Variants in AGAP1 observed in about 807,000 individuals in gnomAD.
AGAP1 encodes arf-GAP with GTPase, ANK repeat and PH domain-containing protein 1.
Under a neutral mutation model 105.3 loss-of-function variants are expected in AGAP1, and 29 were observed. That is an observed-to-expected ratio of 0.28 (90% CI 0.21 to 0.38). The LOEUF is 0.38. AGAP1 is among the 10% of genes least tolerant of loss of function. The pLI, the probability that AGAP1 is intolerant of heterozygous loss-of-function variation, is 1.00. For missense variants in AGAP1, 998 were observed against 1,165.1 expected, an observed-to-expected ratio of 0.86 and a Z score of 2.09; for synonymous variants, 509 against 485.9, an observed-to-expected ratio of 1.05 and a Z score of -0.63.
At chr2:235,637,450 ATT>A (rs11293469) in intron 1 of AGAP1, among the ~76,000 whole-genome samples, 3 of 143,902 alleles carry the variant, frequency 2.1e-5, no homozygotes, top group African/African-American at 7.6e-5. Flanking sequence ...TTGTATTATT[ATT>A]TTTTTTTTTT....
rs1574779794 is a variant in AGAP1 at position 235,531,353 on chromosome 2, G to T, written c.163+36504G>T. Among the ~76,000 whole-genome samples, 2 of 152,232 alleles carry T rather than the reference G, an allele frequency of 1.3e-5. 1 individual carries two copies. The highest frequency in any genetic ancestry group is 6.8e-3 in the Middle Eastern group (2 of 294). On this transcript the variant is annotated intron_variant, in intron 1 of 17. Coordinates refer to ENST00000304032, the MANE Select transcript of AGAP1 (RefSeq NM_001037131.3). ...GGCTTTTCTAGCTGGGCAGACTCTGGTTCCTGTATTCTCCCCCTCAACTGT... is the reference window on the plus strand; with the variant it reads ...GGCTTTTCTAGCTGGGCAGACTCTGTTTCCTGTATTCTCCCCCTCAACTGT...
rs764044569 is a variant in AGAP1, at chr2:236,045,982, A to G, written c.1892-3077A>G. 8.5e-6 allele frequency: 4 copies of G among 471,710 alleles called. No individual in the cohort carries two copies. Among genetic ancestry groups the G allele is most frequent in the South Asian group, 4.6e-5 (3 of 64,560 alleles). 29.2% of individuals were successfully genotyped at this position (471,710 alleles called of 1,614,324 possible). ...GCACAGGAATGTGTCCCACGCATGA[A>G]TGTCGTCCTTCAGATCTGGACCTGA... On this transcript the variant is annotated intron_variant, in intron 15 of 17. Coordinates refer to ENST00000304032, the MANE Select transcript of AGAP1 (RefSeq NM_001037131.3). This position sits in a 1 kb window ranked among gnomAD's most constrained non-coding sequence, Gnocchi z 6.9.
chr2:235,933,495 A>G (rs554047228), intron 12 of AGAP1, among the ~76,000 whole-genome samples: 3 of 151,538 alleles, frequency 2.0e-5, no homozygotes, highest in Non-Finnish European at 4.4e-5. Flanking sequence ...TGATTCCTAC[A>G]GCTTTATGGG....
rs1373931991 is a variant in AGAP1, at chr2:235,553,761, C to T, written c.163+58912C>T. ...GTGCAGGAGAGGAGCGTTCAGGGCA[C>T]CTCTGAGCACATGTGACATTCGTAA... On this transcript the variant is annotated intron_variant, in intron 1 of 17. Coordinates refer to ENST00000304032, the MANE Select transcript of AGAP1 (RefSeq NM_001037131.3). The surrounding 1 kb of genome is among the most constrained non-coding windows in gnomAD (Gnocchi z 4.5). 1.3e-5 allele frequency among the ~76,000 whole-genome samples: 2 copies of T among 152,080 alleles called. No homozygotes were observed. Among genetic ancestry groups the T allele is most frequent in the African/African-American group, 4.8e-5 (2 of 41,398 alleles).
chr2:235,579,557 C>T (rs924721446), intron 1 of AGAP1, among the ~76,000 whole-genome samples: 9 of 152,096 alleles, frequency 5.9e-5, no homozygotes, highest in Non-Finnish European at 1.0e-4. Flanking sequence ...GGGCAGATCA[C>T]GAGGTCAGGA....
intron 1 of AGAP1, among the ~76,000 whole-genome samples, chr2:235,561,228 C>T (rs1944139587): frequency 1.3e-5 from 2 of 152,286 alleles, no homozygotes; most frequent in African/African-American, 2.4e-5. Flanking sequence ...CAGACCTAGT[C>T]GCTGTTTCCA....
intron 11 of AGAP1, among the ~76,000 whole-genome samples, chr2:235,916,499 A>G (rs1247167446): frequency 6.6e-6 from 1 of 152,226 alleles, no homozygotes; most frequent in Non-Finnish European, 1.5e-5. Flanking sequence ...AGTTATTTTC[A>G]CATTTAAGTA....
intron 1 of AGAP1, among the ~76,000 whole-genome samples, chr2:235,546,925 A>G (rs960668528): frequency 1.3e-5 from 2 of 152,226 alleles, no homozygotes; most frequent in African/African-American, 4.8e-5. Context: ...AAGCTGACTG[A>G]GCAGGCGGCT....
chr2:235,517,440 G>A lies in AGAP1; in HGVS notation c.163+22591G>A, dbSNP rs548706993. Among the ~76,000 whole-genome samples, 4 of 152,216 alleles carry A rather than the reference G, an allele frequency of 2.6e-5. No homozygotes were observed. In the South Asian group the frequency reaches 6.2e-4, roughly 24 times the overall value. On this transcript the variant is annotated intron_variant, in intron 1 of 17. Transcript: ENST00000304032. The surrounding 1 kb of genome is among the most constrained non-coding windows in gnomAD (Gnocchi z 4.1). ...ACTTAACCCAGAGCAGGGCTTTGACGACATAGCTGTGCCCAACGTAGATCT... is the reference window on the plus strand; with the variant it reads ...ACTTAACCCAGAGCAGGGCTTTGACAACATAGCTGTGCCCAACGTAGATCT...
intron 1 of AGAP1, among the ~76,000 whole-genome samples, chr2:235,636,685 C>T (rs748400095): frequency 2.6e-5 from 4 of 152,290 alleles, no homozygotes; most frequent in South Asian, 2.1e-4. Context: ...CTGACCAAGT[C>T]GTCGTGTCAT....
chr2:235,494,758 C>T lies in AGAP1; in HGVS notation c.72C>T (p.His24=), dbSNP rs752627452. The change falls in exon 1 of 18, where the codon CAC becomes CAT. Residue 24 remains histidine, a synonymous_variant. Coordinates refer to ENST00000304032, the MANE Select transcript of AGAP1 (RefSeq NM_001037131.3). Reference sequence around the variant, plus strand: ...AGATCCAGCGCTTCGAGTCGGTCCACCCCAACATCTACTCCATCTACGAGC... The same window carrying T: ...AGATCCAGCGCTTCGAGTCGGTCCATCCCAACATCTACTCCATCTACGAGC... ...RAEIQRFESV[H]PNIYSIYELL... is the part of the protein sequence containing the mutation. The T allele has an allele frequency of 6.3e-7, 1 of 1,576,326 alleles. No individual in the cohort carries two copies. The highest frequency in any genetic ancestry group is 8.6e-7 in the Non-Finnish European group (1 of 1,161,630).
chr2:235,656,126 C>T (rs976166757), intron 1 of AGAP1, among the ~76,000 whole-genome samples: 3 of 152,214 alleles, frequency 2.0e-5, no homozygotes, highest in African/African-American at 7.2e-5. Context: ...CAGGGGGCCG[C>T]TCCTGCTGAT....
chr2:235,940,544 C>T (rs2053211642), intron 12 of AGAP1, among the ~76,000 whole-genome samples: 1 of 152,218 alleles, frequency 6.6e-6, no homozygotes, highest in Admixed American at 6.5e-5. Flanking sequence ...GGCTTCCGCC[C>T]AGACGTCAGC....
At chr2:235,831,301 C>T (rs1019800093) in intron 9 of AGAP1, among the ~76,000 whole-genome samples, 6 of 152,084 alleles carry the variant, frequency 3.9e-5, no homozygotes, top group African/African-American at 7.2e-5. Context: ...CTGTTGCAGC[C>T]GATGAGCCTG....
chr2:235,561,999 C>T (rs1056321729), intron 1 of AGAP1, among the ~76,000 whole-genome samples: 1 of 152,194 alleles, frequency 6.6e-6, no homozygotes, highest in Non-Finnish European at 1.5e-5. Flanking sequence ...CATACCTTGA[C>T]ATTGTCAAAA....
chr2:235,997,331 C>T (rs1380684822), intron 13 of AGAP1, among the ~76,000 whole-genome samples: 1 of 152,266 alleles, frequency 6.6e-6, no homozygotes, highest in East Asian at 1.9e-4. Context: ...TCAGGTGATC[C>T]GCCCACCTCG....
rs1215130869 is a variant in AGAP1 at position 235,700,864 on chromosome 2, T to G, written c.164-8315T>G. ...TTATATATGTATATATTGTATACTC[T>G]ACATAGTATATATTTATAATATATG... On this transcript the variant is annotated intron_variant, in intron 1 of 17. Transcript: ENST00000304032. The surrounding 1 kb of genome is among the most constrained non-coding windows in gnomAD (Gnocchi z 6.1). Among the ~76,000 whole-genome samples the G allele has an allele frequency of 6.8e-6, 1 of 148,126 alleles. No homozygotes were observed. The highest frequency in any genetic ancestry group is 1.5e-5 in the Non-Finnish European group (1 of 67,312).
In AGAP1 at chr2:236,000,925, G is replaced by A. The variant is rs762175246; in HGVS notation, c.1645+32302G>A. Among the ~76,000 whole-genome samples the A allele has an allele frequency of 5.9e-5, 9 of 152,190 alleles. No homozygotes were observed. The highest frequency in any genetic ancestry group is 8.8e-5 in the Non-Finnish European group (6 of 68,038). ...GCGAGGGAGGCAGATGCCGCGTGGCGTGAGGAGGGTGAGAGTCCATGCCAT... is the reference window on the plus strand; with the variant it reads ...GCGAGGGAGGCAGATGCCGCGTGGCATGAGGAGGGTGAGAGTCCATGCCAT... On this transcript the variant is annotated intron_variant, in intron 13 of 17. Transcript: ENST00000304032. This position sits in a 1 kb window ranked among gnomAD's most constrained non-coding sequence, Gnocchi z 4.3.
At chr2:235,726,896 C>G (rs1416790725) in intron 3 of AGAP1, among the ~76,000 whole-genome samples, 1 of 152,142 alleles carries the variant, frequency 6.6e-6, no homozygotes, top group Non-Finnish European at 1.5e-5. Context: ...ACCCTAATCT[C>G]CTGATGCACT....
Sources: gnomAD v4.1 joint callset for allele counts (sites outside exome capture counted in the v4.1 genomes callset) on GRCh38, gnomAD v4.1.1 for gene constraint, Gnocchi (gnomAD v3.1) non-coding constraint, MANE v1.5 for transcripts, NCBI Gene and HGNC (gene_info 2026-07-23, HGNC 2026-07-21) for gene names.